Variants in EHBP1 observed in about 807,000 individuals in gnomAD.
The protein encoded by EHBP1 is EH domain-binding protein 1.
A neutral mutation model predicts 144.0 loss-of-function variants in EHBP1; 55 were observed. The ratio of observed to expected loss-of-function variants is 0.38; its 90% CI spans 0.31 to 0.48. EHBP1 has a LOEUF of 0.48. EHBP1 is among the 20% of genes least tolerant of loss of function. EHBP1 has a pLI of 0.98. For synonymous variants in EHBP1, 469 were observed against 472.7 expected (o/e 0.99, Z 0.10); for missense variants, 1,200 against 1,364.2 (o/e 0.88, Z 1.90).
intron 5 of EHBP1, among the ~76,000 whole-genome samples, chr2:62,775,368 G>T (rs1273686212): frequency 6.6e-6 from 1 of 152,106 alleles, no homozygotes; most frequent in African/African-American, 2.4e-5. Flanking sequence ...TCATGCAAAA[G>T]AATTAGTGAA....
intron 7 of EHBP1, among the ~76,000 whole-genome samples, chr2:62,839,017 A>T (rs1422127611): frequency 1.4e-5 from 2 of 147,432 alleles, no homozygotes; most frequent in African/African-American, 5.1e-5. Context: ...CTGATACCAA[A>T]GCCGGGCAGA....
intron 2 of EHBP1, among the ~76,000 whole-genome samples, chr2:62,745,660 A>G (rs1306064042): frequency 1.3e-5 from 2 of 152,006 alleles, no homozygotes; most frequent in South Asian, 2.1e-4. Flanking sequence ...ATGCCTTACA[A>G]GCCGTGTTGA....
At chr2:62,830,780 A>AT (rs2152653304) in intron 6 of EHBP1, among the ~76,000 whole-genome samples, 1 of 152,302 alleles carries the variant, frequency 6.6e-6, no homozygotes, top group Admixed American at 6.5e-5. Context: ...TCAGGTTTAG[A>AT]TTTAAGTCTT....
intron 5 of EHBP1, among the ~76,000 whole-genome samples, chr2:62,782,973 G>A (rs555635644): frequency 4.4e-4 from 67 of 152,252 alleles, no homozygotes; most frequent in African/African-American, 1.5e-3. Flanking sequence ...AAAATTAAAA[G>A]CAAGTTAGTT....
chr2:62,881,946 A>T (rs1219822747), intron 10 of EHBP1, among the ~76,000 whole-genome samples: 1 of 152,198 alleles, frequency 6.6e-6, no homozygotes, highest in Non-Finnish European at 1.5e-5. Flanking sequence ...AAAGATTACA[A>T]GTCCCCCACC....
chr2:62,813,479 T>A (rs1268397805), intron 5 of EHBP1, among the ~76,000 whole-genome samples: 2 of 152,162 alleles, frequency 1.3e-5, no homozygotes, highest in African/African-American at 4.8e-5. Flanking sequence ...CAGAGAGTCC[T>A]CACCAAGGTG....
chr2:62,766,958 TAAA>T (rs774238457), intron 4 of EHBP1, among the ~76,000 whole-genome samples: 10 of 105,794 alleles, frequency 9.5e-5, no homozygotes, highest in Admixed American at 3.0e-4. Flanking sequence ...TGTGCTTCAT[TAAA>T]AAAAAAAAAA....
chr2:62,879,810 C>A (rs1332014152), intron 10 of EHBP1, among the ~76,000 whole-genome samples: 1 of 151,794 alleles, frequency 6.6e-6, no homozygotes, highest in Non-Finnish European at 1.5e-5. Context: ...AATGCTATTT[C>A]TATCAAAATT....
chr2:62,682,754 A>T (rs1021935210), intron 1 of EHBP1, among the ~76,000 whole-genome samples: 3 of 152,180 alleles, frequency 2.0e-5, no homozygotes, highest in African/African-American at 4.8e-5. Flanking sequence ...TGACTCTAGG[A>T]CAAAACATTG....
At chr2:62,923,063 G>A (rs564621163) in intron 10 of EHBP1, among the ~76,000 whole-genome samples, 1 of 152,168 alleles carries the variant, frequency 6.6e-6, no homozygotes, top group South Asian at 2.1e-4. Flanking sequence ...GAAGCATGGT[G>A]ACATCTTGAG....
At chr2:62,992,991 C>T (rs922561720) in intron 16 of EHBP1, among the ~76,000 whole-genome samples, 4 of 152,106 alleles carry the variant, frequency 2.6e-5, no homozygotes, top group Admixed American at 2.0e-4. Flanking sequence ...GTTGATAGAA[C>T]CATTTGAATT....
chr2:62,766,364 A>C (rs949321369), intron 4 of EHBP1, among the ~76,000 whole-genome samples: 3 of 152,198 alleles, frequency 2.0e-5, no homozygotes. Context: ...GGCAATAGAA[A>C]TAGAAGATCA....
At chr2:62,727,764 T>C (rs2036973997) in intron 2 of EHBP1, among the ~76,000 whole-genome samples, 1 of 152,240 alleles carries the variant, frequency 6.6e-6, no homozygotes, top group African/African-American at 2.4e-5. Context: ...AACATTTGTG[T>C]CTTGGGTATG....
At chr2:62,822,669 C>G (rs1347173629) in intron 5 of EHBP1, among the ~76,000 whole-genome samples, 2 of 152,128 alleles carry the variant, frequency 1.3e-5, no homozygotes, top group Non-Finnish European at 2.9e-5. Context: ...TCAGTTGAAA[C>G]TCTCCAGCAG....
chr2:62,737,058 A>G (rs943097366), intron 2 of EHBP1, among the ~76,000 whole-genome samples: 1 of 152,156 alleles, frequency 6.6e-6, no homozygotes. Context: ...TGTGAACTGT[A>G]GAAGTGCTTT....
chr2:62,942,335 A>G (rs1465497379), intron 10 of EHBP1, among the ~76,000 whole-genome samples: 1 of 152,212 alleles, frequency 6.6e-6, no homozygotes, highest in African/African-American at 2.4e-5. Flanking sequence ...CATTATTTTT[A>G]ACCTAGTCAA....
intron 9 of EHBP1, among the ~76,000 whole-genome samples, chr2:62,869,861 G>T (rs1037581810): frequency 6.6e-6 from 1 of 152,168 alleles, no homozygotes; most frequent in Admixed American, 6.5e-5. Context: ...ATTATATCAC[G>T]TGAGTGATAT....
At chr2:62,755,853 A>T (rs1236903527) in intron 3 of EHBP1, among the ~76,000 whole-genome samples, 1 of 152,180 alleles carries the variant, frequency 6.6e-6, no homozygotes, top group Non-Finnish European at 1.5e-5. Flanking sequence ...TTATCAACAA[A>T]AAACAATTTA....
intron 9 of EHBP1, 114 bp downstream of exon 9, chr2:62,865,085 C>T: frequency 8.6e-7 from 1 of 1,168,814 alleles, no homozygotes; most frequent in Non-Finnish European, 1.2e-6. Context: ...CTTTATAAGT[C>T]AGTATCTAAC....
Sources: gnomAD v4.1 joint callset for allele counts (sites outside exome capture counted in the v4.1 genomes callset) on GRCh38, gnomAD v4.1.1 for gene constraint, MANE v1.5 for transcripts, NCBI Gene and HGNC (gene_info 2026-07-23, HGNC 2026-07-21) for gene names.